The following RGS22 variants were observed in gnomAD, a reference collection of about 807,000 sequenced individuals.
RGS22 encodes the protein regulator of G protein signaling 22.
In RGS22, 148 loss-of-function variants were observed where a neutral mutation model predicts 172.9. That is an observed-to-expected ratio of 0.86 (90% CI 0.75 to 0.98). The LOEUF (loss-of-function observed/expected upper bound fraction) is 0.98. RGS22 is among the 50% of genes least tolerant of loss of function. The probability of loss-of-function intolerance (pLI) is 0.00; values close to 1 mark genes in which losing one functional copy is unlikely to be tolerated. For missense variants in RGS22, 1,347 were observed against 1,440.8 expected, an observed-to-expected ratio of 0.93 and a Z score of 1.05; for synonymous variants, 458 against 480.2, an observed-to-expected ratio of 0.95 and a Z score of 0.60.
intron 9 of RGS22, among the ~76,000 whole-genome samples, chr8:100,053,810 T>C (rs1175492783): frequency 6.6e-6 from 1 of 152,048 alleles, no homozygotes; most frequent in African/African-American, 2.4e-5. Flanking sequence ...TAATTTTTTG[T>C]ATTTTTAGTA....
At chr8:100,095,270 G>T (rs974604748) in intron 2 of RGS22, among the ~76,000 whole-genome samples, 1 of 152,114 alleles carries the variant, frequency 6.6e-6, no homozygotes, top group South Asian at 2.1e-4. Flanking sequence ...TGCAACCTCC[G>T]CCTCCTGGGT....
intron 21 of RGS22, among the ~76,000 whole-genome samples, chr8:99,984,947 A>G (rs757837754): frequency 2.6e-5 from 4 of 152,204 alleles, no homozygotes; most frequent in East Asian, 1.9e-4. Context: ...ATCTTCTACT[A>G]TATAGATATA....
chr8:100,046,577 A>G (rs1820741486), intron 11 of RGS22: 1 of 149,638 alleles, frequency 6.7e-6, no homozygotes. Flanking sequence ...TACTTTTGGA[A>G]ATGGCAGAGA....
intron 6 of RGS22, among the ~76,000 whole-genome samples, chr8:100,067,729 A>G (rs998778187): frequency 3.3e-5 from 5 of 150,848 alleles, no homozygotes; most frequent in Non-Finnish European, 1.5e-5. Context: ...GGTTCAAGCA[A>G]TTCTCCCACC....
intron 11 of RGS22, among the ~76,000 whole-genome samples, chr8:100,045,685 CA>C (rs1820643374): frequency 6.6e-6 from 1 of 151,108 alleles, no homozygotes; most frequent in South Asian, 2.1e-4. Flanking sequence ...AATTTTGACT[CA>C]AAAATTCTTT....
rs141562773 is a variant in RGS22, at chr8:100,052,828, A to T, written c.1663T>A (p.Cys555Ser). ...TGGATCTCAGGTATCTGTGGAATGC[A>T]AGATTTGGGTCTTAATGGCAAGAGG... ...ATLLPLRPKSCIPQIPEIQKE... is the reference protein window; with the variant it reads ...ATLLPLRPKSSIPQIPEIQKE... Residue 555 changes from cysteine to serine, a missense_variant, in exon 10 of 28, where the codon TGC becomes AGC. Coordinates refer to ENST00000360863, the MANE Select transcript of RGS22 (RefSeq NM_015668.5). 1.2e-4 allele frequency: 191 copies of T among 1,614,098 alleles called. No homozygotes were observed. The highest frequency in any genetic ancestry group is 7.5e-4 in the Admixed American group (45 of 60,024).
chr8:99,997,733 A>G (rs1395457680), intron 19 of RGS22, among the ~76,000 whole-genome samples: 1 of 152,214 alleles, frequency 6.6e-6, no homozygotes, highest in African/African-American at 2.4e-5. Flanking sequence ...GAAACCTAAA[A>G]ACAAGGTGTG....
chr8:99,987,683 T>G, intron 20 of RGS22, 64 bp from the exon 21 acceptor site: 1 of 1,298,640 alleles, frequency 7.7e-7, no homozygotes. Flanking sequence ...CCAACTTCTA[T>G]CTCCTAAAAT....
chr8:100,047,478 T>C lies in RGS22; in HGVS notation c.1808A>G (p.Asp603Gly). The change falls in exon 11 of 28, where the codon GAT becomes GGT. Residue 603 changes from aspartate (D) to glycine (G), a missense_variant. By Grantham distance (94) the Asp-to-Gly change is moderately conservative. Transcript: ENST00000360863. ...ELLYPGSSKDDVIEKGSKYMS... is the reference protein window; with the variant it reads ...ELLYPGSSKDGVIEKGSKYMS... ...TTGCACCTACCCTTTCTCAATCACA[T>C]CATCCTTAGAAGAACCTGGATACAA... 3 of 1,598,892 alleles carry C rather than the reference T, an allele frequency of 1.9e-6. No homozygotes were observed. Among genetic ancestry groups the C allele is most frequent in the Non-Finnish European group, 2.6e-6 (3 of 1,174,238 alleles).
chr8:100,086,250 T>C (rs953238885), intron 3 of RGS22, among the ~76,000 whole-genome samples: 1 of 152,120 alleles, frequency 6.6e-6, no homozygotes, highest in Non-Finnish European at 1.5e-5. Flanking sequence ...GTGAAACATA[T>C]TCAACTTTAA....
chr8:99,985,693 T>A (rs1196970644), intron 21 of RGS22, among the ~76,000 whole-genome samples: 1 of 152,200 alleles, frequency 6.6e-6, no homozygotes. Flanking sequence ...AGCTACCTAG[T>A]ATTGTAAGTC....
intron 14 of RGS22, among the ~76,000 whole-genome samples, chr8:100,013,753 A>G (rs930434296): frequency 6.6e-6 from 1 of 152,164 alleles, no homozygotes; most frequent in African/African-American, 2.4e-5. Context: ...CCTTCAGCAC[A>G]ATCTGAAGGT....
At chr8:100,059,601 A>G (rs1028151442) in intron 9 of RGS22, among the ~76,000 whole-genome samples, 2 of 152,174 alleles carry the variant, frequency 1.3e-5, no homozygotes, top group Admixed American at 6.5e-5. Context: ...ACAATTTTAA[A>G]TATATATGTA....
At chr8:100,010,175 T>C (rs542291779) in intron 14 of RGS22, among the ~76,000 whole-genome samples, 3 of 152,170 alleles carry the variant, frequency 2.0e-5, no homozygotes, top group East Asian at 1.9e-4. Context: ...GTCTGCTTGA[T>C]AAACTAATTT....
At chr8:100,105,533 A>T (rs909282561) in intron 1 of RGS22, 131 bp from the exon 2 acceptor site, 1 of 772,468 alleles carries the variant, frequency 1.3e-6, no homozygotes, top group Admixed American at 2.3e-5. Context: ...CCCTCTGTTC[A>T]TTCTCTGTAC....
chr8:100,049,895 A>G (rs1265968706), intron 10 of RGS22, among the ~76,000 whole-genome samples: 3 of 151,908 alleles, frequency 2.0e-5, no homozygotes, highest in Admixed American at 1.3e-4. Context: ...AAAAATACAA[A>G]AAAATTAGCC....
intron 3 of RGS22, among the ~76,000 whole-genome samples, chr8:100,085,323 C>A (rs2131939953): frequency 6.6e-6 from 1 of 152,150 alleles, no homozygotes; most frequent in East Asian, 1.9e-4. Context: ...ACAGGGCATC[C>A]TCCACAAGGC....
rs1420259791 is a variant in RGS22, at chr8:100,051,705, A to T, written c.1689+1097T>A. Among the ~76,000 whole-genome samples the T allele has an allele frequency of 0.011, 330 of 30,744 alleles. 107 individuals are homozygous for T. The African/African-American group carries it at 0.12, about 11-fold the overall frequency. 20.2% of individuals were successfully genotyped at this position (30,744 alleles called of 152,430 possible). A position where few individuals can be genotyped will look rare whatever the true frequency, so the allele number is the denominator to read the frequency against. Reference sequence around the variant, plus strand: ...TACATATATATATTTATATATACGTATATATAAATATATATTTATATATAC... The same window carrying T: ...TACATATATATATTTATATATACGTTTATATAAATATATATTTATATATAC... On this transcript the variant is annotated intron_variant, in intron 10 of 27. Transcript: ENST00000360863.
rs1245783464 is a variant in RGS22, at chr8:100,060,421, T to TATAC, written c.1514+2169_1514+2170insGTAT. On this transcript the variant is annotated intron_variant, in intron 9 of 27. Coordinates refer to ENST00000360863, the MANE Select transcript of RGS22 (RefSeq NM_015668.5). ...CTACGTGTATATATATATATATATATACACACACACACACACACACGCACC... is the reference window on the plus strand; with the variant it reads ...CTACGTGTATATATATATATATATATATACACACACACACACACACACACGCACC... 6.9e-3 allele frequency among the ~76,000 whole-genome samples: 824 copies of TATAC among 119,470 alleles called. 16 individuals are homozygous for TATAC. Among genetic ancestry groups the TATAC allele is most frequent in the East Asian group, 0.021 (88 of 4,218 alleles). The allele number at this position is 119,470 out of a possible 152,430, so 78.4% of individuals were successfully genotyped here.
Sources: allele counts gnomAD v4.1 joint callset (sites outside exome capture counted in the v4.1 genomes callset), GRCh38; gene constraint gnomAD v4.1.1; transcripts MANE v1.5; gene names NCBI Gene and HGNC (gene_info 2026-07-23, HGNC 2026-07-21).